Variants in RABGAP1 observed in about 807,000 individuals in gnomAD.
The protein encoded by RABGAP1 is RAB GTPase activating protein 1, also known as rab GTPase-activating protein 1.
Under a neutral mutation model 137.6 loss-of-function variants are expected in RABGAP1, and 23 were observed. The observed-to-expected ratio is 0.17, with a 90% CI of 0.12 to 0.24. The LOEUF (loss-of-function observed/expected upper bound fraction) is 0.24, where lower values mean the gene tolerates loss of function less well. Ranked by LOEUF, RABGAP1 falls within the 10% of genes least tolerant of loss-of-function variation. RABGAP1 has a pLI of 1.00. For synonymous variants in RABGAP1, 451 were observed against 450.7 expected (o/e 1.00, Z -0.01); for missense variants, 906 against 1,275.8 (o/e 0.71, Z 4.42).
rs748625967 is a variant in RABGAP1, at chr9:123,015,645, T to C, written c.1643+9T>C. On this transcript the variant is annotated intron_variant, in intron 12 of 25. Coordinates refer to ENST00000373647, the MANE Select transcript of RABGAP1 (RefSeq NM_012197.4). Reference sequence around the variant, plus strand: ...GAACTGTTGTCAAAATGGTAAGTTATGATAGAATAGTTTTTTTTATCTGCA... The same window carrying C: ...GAACTGTTGTCAAAATGGTAAGTTACGATAGAATAGTTTTTTTTATCTGCA... The C allele has an allele frequency of 5.0e-6, 8 of 1,585,470 alleles. No homozygotes were observed. The South Asian group carries it at 7.9e-5, about 16-fold the overall frequency.
chr9:122,937,221 C>G (rs148508625), upstream of RABGAP1, among the ~76,000 whole-genome samples: 10 of 152,326 alleles, frequency 6.6e-5, no homozygotes, highest in East Asian at 1.9e-3. Flanking sequence ...AATAAATCAA[C>G]TCAAACTATT....
chr9:123,099,853 G>A (rs748733754), intron 24 of RABGAP1, among the ~76,000 whole-genome samples: 9 of 152,250 alleles, frequency 5.9e-5, no homozygotes, highest in African/African-American at 1.7e-4. Flanking sequence ...AGTCATGCAA[G>A]TGATAGGTCT....
chr9:122,975,834 T>C (rs1588199540), intron 2 of RABGAP1, among the ~76,000 whole-genome samples: 1 of 152,224 alleles, frequency 6.6e-6, no homozygotes, highest in Admixed American at 6.5e-5. Flanking sequence ...GAGATAGATA[T>C]TAACATCCTC....
At chr9:123,098,097 A>G (rs1588414903) in intron 22 of RABGAP1, among the ~76,000 whole-genome samples, 2 of 152,200 alleles carry the variant, frequency 1.3e-5, no homozygotes, top group Non-Finnish European at 2.9e-5. Context: ...CATAACAAAG[A>G]AGAGGGGGTA....
intron 14 of RABGAP1, among the ~76,000 whole-genome samples, chr9:123,068,931 G>A (rs753424280): frequency 7.7e-4 from 117 of 152,178 alleles, no homozygotes; most frequent in Non-Finnish European, 1.4e-3. Context: ...GAGCAACTTT[G>A]GCACAAAAAA....
chr9:123,007,158 C>G (rs1369427562), intron 10 of RABGAP1, among the ~76,000 whole-genome samples: 1 of 151,878 alleles, frequency 6.6e-6, no homozygotes, highest in Non-Finnish European at 1.5e-5. Flanking sequence ...ACTGCAACCT[C>G]CACCTCCCAG....
intron 1 of RABGAP1, among the ~76,000 whole-genome samples, chr9:122,951,427 A>T (rs1311397759): frequency 2.0e-5 from 3 of 152,028 alleles, no homozygotes; most frequent in Non-Finnish European, 4.4e-5. Flanking sequence ...AAAAAAAAAA[A>T]GTTGAAGTTT....
intron 14 of RABGAP1, among the ~76,000 whole-genome samples, chr9:123,066,546 G>C (rs1231211839): frequency 6.6e-6 from 1 of 152,090 alleles, no homozygotes; most frequent in African/African-American, 2.4e-5. Context: ...CTTGGGTACG[G>C]GCTCCCTCTC....
At chr9:123,100,125 C>CT (rs1183905332) in intron 24 of RABGAP1, among the ~76,000 whole-genome samples, 1 of 152,144 alleles carries the variant, frequency 6.6e-6, no homozygotes, top group African/African-American at 2.4e-5. Flanking sequence ...CAGTTTAGAA[C>CT]TTTAATTGTT....
chr9:123,056,300 T>C (rs2033691361), intron 13 of RABGAP1, among the ~76,000 whole-genome samples: 1 of 152,342 alleles, frequency 6.6e-6, no homozygotes, highest in Admixed American at 6.5e-5. Flanking sequence ...TTTGCAACTT[T>C]AGATTCCATT....
At position 123,056,390 on chromosome 9, in the gene RABGAP1, A is replaced by G. The variant is rs184518364; in HGVS notation, c.1795-8958A>G. Reference sequence around the variant, plus strand: ...AGTAATTGCTGTAAGAGTGGTATCAATGTGGTTTGTAAGTTGGTACAACTT... The same window carrying G: ...AGTAATTGCTGTAAGAGTGGTATCAGTGTGGTTTGTAAGTTGGTACAACTT... On this transcript the variant is annotated intron_variant, in intron 13 of 25. Transcript: ENST00000373647. Among the ~76,000 whole-genome samples, 60 of 152,306 alleles carry G rather than the reference A, an allele frequency of 3.9e-4. 1 individual carries two copies. In the South Asian group the frequency reaches 4.1e-3, roughly 11 times the overall value.
chr9:122,989,951 GGATAAA>G (rs1836581076), intron 5 of RABGAP1, 99 bp from the exon 6 acceptor site: 12 of 1,248,250 alleles, frequency 9.6e-6, no homozygotes, highest in Admixed American at 2.5e-5. Context: ...GAAATAAGTG[GGATAAA>G]GATAATTATT....
chr9:123,066,417 T>C (rs537661142), intron 14 of RABGAP1, among the ~76,000 whole-genome samples: 8 of 152,234 alleles, frequency 5.3e-5, no homozygotes, highest in Non-Finnish European at 1.0e-4. Context: ...AAAGAAACGC[T>C]ATGTCCACTG....
chr9:123,000,186 C>G (rs545111975), intron 10 of RABGAP1, among the ~76,000 whole-genome samples: 1 of 152,070 alleles, frequency 6.6e-6, no homozygotes, highest in Non-Finnish European at 1.5e-5. Flanking sequence ...ACAAGTTAAA[C>G]ATCTTAAGTG....
At chr9:122,994,487 G>T (rs1836916163) in intron 6 of RABGAP1, among the ~76,000 whole-genome samples, 1 of 152,080 alleles carries the variant, frequency 6.6e-6, no homozygotes, top group Non-Finnish European at 1.5e-5. Context: ...GAACATTTTT[G>T]ACATTTTTAG....
chr9:123,064,372 G>A (rs1163424960), intron 13 of RABGAP1, among the ~76,000 whole-genome samples: 2 of 152,184 alleles, frequency 1.3e-5, no homozygotes, highest in East Asian at 1.9e-4. Flanking sequence ...AAGGAGCATA[G>A]GCTTTAAAGT....
intron 2 of RABGAP1, among the ~76,000 whole-genome samples, chr9:122,978,904 C>CTTTAT (rs1480942504): frequency 5.2e-5 from 2 of 38,556 alleles, no homozygotes; most frequent in African/African-American, 1.2e-4. Context: ...TTTTATTTTA[C>CTTTAT]TTTATTTTAT....
intron 21 of RABGAP1, among the ~76,000 whole-genome samples, chr9:123,097,166 C>T (rs700079): frequency 3.9e-5 from 6 of 151,960 alleles, no homozygotes; most frequent in Admixed American, 3.3e-4. Flanking sequence ...CTCACAGATA[C>T]GCCCACTAGA....
chr9:123,005,661 A>G (rs770197269), intron 10 of RABGAP1, among the ~76,000 whole-genome samples: 4 of 152,174 alleles, frequency 2.6e-5, no homozygotes, highest in Non-Finnish European at 5.9e-5. Flanking sequence ...CCAGTCTGCT[A>G]TTGATGGACA....
Sources: allele counts gnomAD v4.1 joint callset (sites outside exome capture counted in the v4.1 genomes callset), GRCh38; gene constraint gnomAD v4.1.1; transcripts MANE v1.5; gene names NCBI Gene and HGNC (gene_info 2026-07-23, HGNC 2026-07-21).